The following FOXN3 variants were observed in gnomAD, a reference collection of about 807,000 sequenced individuals.
The protein encoded by FOXN3 is forkhead box protein N3.
Under a neutral mutation model 38.4 loss-of-function variants are expected in FOXN3, and 7 were observed. The observed-to-expected ratio is 0.18, with a 90% CI of 0.10 to 0.34. The LOEUF (loss-of-function observed/expected upper bound fraction) is 0.34. Among genes scored for constraint, FOXN3 ranks in the 10% least tolerant of loss-of-function variants. The pLI is 1.00. For missense variants in FOXN3, 456 were observed against 613.4 expected (o/e 0.74, Z 2.71); for synonymous variants, 230 against 242.2 (o/e 0.95, Z 0.47).
At chr14:89,534,100 CTTTTTTTTTTT>C (rs79800046) in intron 1 of FOXN3, among the ~76,000 whole-genome samples, 6 of 113,810 alleles carry the variant, frequency 5.3e-5, no homozygotes, top group Admixed American at 1.9e-4. Flanking sequence ...ATTATACATT[CTTTTTTTTTTT>C]TTTTTTTTTT....
intron 2 of FOXN3, among the ~76,000 whole-genome samples, chr14:89,369,203 A>G (rs1036575309): frequency 5.3e-5 from 8 of 152,216 alleles, no homozygotes; most frequent in African/African-American, 1.9e-4. Context: ...GCTTTTGATT[A>G]TCTGTGGAGA....
At chr14:89,468,812 T>G (rs1893036084) in intron 1 of FOXN3, among the ~76,000 whole-genome samples, 1 of 152,162 alleles carries the variant, frequency 6.6e-6, no homozygotes, top group Admixed American at 6.5e-5. Flanking sequence ...CAAACAATAT[T>G]AAGACATCCT....
intron 1 of FOXN3, among the ~76,000 whole-genome samples, chr14:89,470,201 A>G (rs1893064457): frequency 6.6e-6 from 1 of 152,254 alleles, no homozygotes; most frequent in Non-Finnish European, 1.5e-5. Context: ...TTCTCAGCCA[A>G]CTGATACTCA....
At chr14:89,508,628 T>C (rs2139802586) in intron 1 of FOXN3, among the ~76,000 whole-genome samples, 1 of 152,242 alleles carries the variant, frequency 6.6e-6, no homozygotes, top group East Asian at 1.9e-4. Context: ...GGCAATGAAG[T>C]AGACATGTTT....
At chr14:89,404,157 C>T (rs1891323091) in intron 2 of FOXN3, among the ~76,000 whole-genome samples, 1 of 152,116 alleles carries the variant, frequency 6.6e-6, no homozygotes, top group East Asian at 1.9e-4. Context: ...GAAATGTGCC[C>T]CCACCCAAGA....
At chr14:89,257,248 G>T (rs1885652595) in intron 4 of FOXN3, among the ~76,000 whole-genome samples, 1 of 152,200 alleles carries the variant, frequency 6.6e-6, no homozygotes, top group Non-Finnish European at 1.5e-5. Context: ...TGTGGGCAAG[G>T]TGACATTTTC....
chr14:89,352,740 G>A (rs553997840), intron 2 of FOXN3, among the ~76,000 whole-genome samples: 5 of 152,126 alleles, frequency 3.3e-5, no homozygotes, highest in Admixed American at 6.6e-5. Flanking sequence ...TAATCTTAAC[G>A]CTACAAAAAT....
chr14:89,412,655 T>C lies in FOXN3; in HGVS notation c.-14-165A>G, dbSNP rs1256576834. On this transcript the variant is annotated intron_variant, in intron 1 of 5. Transcript: ENST00000557258. The surrounding 1 kb of genome is among the most constrained non-coding windows in gnomAD (Gnocchi z 4.7). ...ACACTAAGCAACACAATCCCACAAT[T>C]CCACCACAGAGAGATAGGCTGATGA... Among the ~76,000 whole-genome samples, 2 of 151,720 alleles carry C rather than the reference T, an allele frequency of 1.3e-5. No individual in the cohort carries two copies.
intron 1 of FOXN3, among the ~76,000 whole-genome samples, chr14:89,602,300 C>T (rs1896167803): frequency 2.7e-5 from 4 of 148,010 alleles, no homozygotes; most frequent in Admixed American, 2.7e-4. Context: ...AAAAAAAAAA[C>T]ACATGCGAAA....
At chr14:89,522,759 T>C (rs1193737027) in intron 1 of FOXN3, among the ~76,000 whole-genome samples, 2 of 134,206 alleles carry the variant, frequency 1.5e-5, no homozygotes, top group African/African-American at 2.8e-5. Context: ...ACAAAGGAGA[T>C]AAAGTAAAAA....
Position 89,559,038 on chromosome 14 carries a change from G to T in FOXN3, c.-15+59990C>A, listed in dbSNP as rs574418771. ...GAAACAAAGTCATAGGAATGTTTTTGTTTTTTTTTTAACATGATGTAGCAG... is the reference window on the plus strand; with the variant it reads ...GAAACAAAGTCATAGGAATGTTTTTTTTTTTTTTTTAACATGATGTAGCAG... On this transcript the variant is annotated intron_variant, in intron 1 of 6. Coordinates refer to the FOXN3 transcript ENST00000345097. Among the ~76,000 whole-genome samples, 18 of 149,766 alleles carry T rather than the reference G, an allele frequency of 1.2e-4. No individual in the cohort carries two copies. The East Asian group carries it at 2.4e-3, about 20-fold the overall frequency.
chr14:89,538,603 C>T (rs1423043354), intron 1 of FOXN3, among the ~76,000 whole-genome samples: 1 of 152,228 alleles, frequency 6.6e-6, no homozygotes, highest in African/African-American at 2.4e-5. Flanking sequence ...ACCACAACCT[C>T]TGCCTCCCGA....
At chr14:89,519,075 C>T (rs1894268058) in intron 1 of FOXN3, among the ~76,000 whole-genome samples, 2 of 151,996 alleles carry the variant, frequency 1.3e-5, no homozygotes, top group East Asian at 1.9e-4. Flanking sequence ...TATGGATGAA[C>T]ACGGTGCGCC....
At chr14:89,549,806 G>A (rs1013163538) in intron 1 of FOXN3, among the ~76,000 whole-genome samples, 2 of 152,184 alleles carry the variant, frequency 1.3e-5, no homozygotes, top group Non-Finnish European at 2.9e-5. Flanking sequence ...CCTGCCCTTT[G>A]ATCTGGATGG....
chr14:89,475,809 C>T (rs1371684997), intron 1 of FOXN3, among the ~76,000 whole-genome samples: 2 of 152,186 alleles, frequency 1.3e-5, no homozygotes, highest in Non-Finnish European at 2.9e-5. Context: ...AATGAAGAAT[C>T]ATATAGTCTT....
At position 89,163,774 on chromosome 14, in the gene FOXN3, C is replaced by G. The variant is rs535834868; in HGVS notation, c.852-805G>C. 7.1e-4 allele frequency among the ~76,000 whole-genome samples: 108 copies of G among 152,312 alleles called. No homozygotes were observed. The highest frequency in any genetic ancestry group is 5.4e-3 in the South Asian group (26 of 4,826). ...ATTTTACAGTGGCTCGAAGTGAAGC[C>G]TGGAGAAGTTCAGTGATGTACTTAA... is the stretch of plus-strand genomic sequence containing the variant. On this transcript the variant is annotated intron_variant, in intron 5 of 5. Coordinates refer to ENST00000557258, the MANE Select transcript of FOXN3 (RefSeq NM_005197.4). This position sits in a 1 kb window ranked among gnomAD's most constrained non-coding sequence, Gnocchi z 4.3.
chr14:89,308,411 C>T (rs1204746050), intron 3 of FOXN3, among the ~76,000 whole-genome samples: 1 of 152,274 alleles, frequency 6.6e-6, no homozygotes, highest in Admixed American at 6.5e-5. Flanking sequence ...CCGTTCTGTG[C>T]AGATGCACGC....
intron 1 of FOXN3, among the ~76,000 whole-genome samples, chr14:89,515,387 G>A (rs1252779167): frequency 6.6e-6 from 1 of 152,182 alleles, no homozygotes; most frequent in East Asian, 1.9e-4. Flanking sequence ...AGAAGTGACT[G>A]CAATACAGTT....
At chr14:89,298,578 A>G in intron 3 of FOXN3, among the ~76,000 whole-genome samples, 1 of 152,030 alleles carries the variant, frequency 6.6e-6, no homozygotes, top group East Asian at 1.9e-4. Flanking sequence ...ACAAACAGAC[A>G]TTTCCTAATG....
Sources: allele counts gnomAD v4.1 joint callset (sites outside exome capture counted in the v4.1 genomes callset), GRCh38; gene constraint gnomAD v4.1.1; non-coding constraint Gnocchi (gnomAD v3.1); transcripts MANE v1.5; gene names NCBI Gene and HGNC (gene_info 2026-07-23, HGNC 2026-07-21).